The following ANO2 variants were observed in gnomAD, a reference collection of about 807,000 sequenced individuals.
ANO2 encodes anoctamin 2, also known as anoctamin-2.
Under a neutral mutation model 124.2 loss-of-function variants are expected in ANO2, and 101 were observed. That is an observed-to-expected ratio of 0.81 (90% confidence interval 0.69 to 0.96). The LOEUF (loss-of-function observed/expected upper bound fraction) is 0.96, where lower values mean the gene tolerates loss of function less well. Ranked by LOEUF, ANO2 falls within the 40% of genes least tolerant of loss-of-function variation. ANO2 has a pLI of 0.00. For missense variants in ANO2, 1,293 were observed against 1,274.5 expected, an observed-to-expected ratio of 1.01 and a Z score of -0.22; for synonymous variants, 486 against 482.5, an observed-to-expected ratio of 1.01 and a Z score of -0.09.
intron 14 of ANO2, among the ~76,000 whole-genome samples, chr12:5,720,871 G>A (rs1038967689): frequency 6.6e-6 from 1 of 152,192 alleles, no homozygotes; most frequent in African/African-American, 2.4e-5. Context: ...AGTGAGCAGA[G>A]GAGAAGGTCT....
Position 5,698,985 on chromosome 12 carries a change from C to T in ANO2, c.1545+33535G>A, listed in dbSNP as rs112538382. ...ATCTGATTGGTGTACCTGAAAGTGA[C>T]GGGGAGAATGGAACCAAGCTGGAAA... On this transcript the variant is annotated intron_variant, in intron 14 of 24. Transcript: ENST00000682330. 4.1e-3 allele frequency among the ~76,000 whole-genome samples: 619 copies of T among 152,262 alleles called. 1 individual carries two copies. The highest frequency in any genetic ancestry group is 0.01 in the Middle Eastern group (3 of 294).
At chr12:5,578,674 G>T (rs1390435292) in intron 20 of ANO2, among the ~76,000 whole-genome samples, 156 bp from the exon 21 acceptor site, 1 of 152,158 alleles carries the variant, frequency 6.6e-6, no homozygotes. Context: ...CACATACACG[G>T]TATTTCTTTC....
At chr12:5,762,293 G>C (rs376633453) in intron 10 of ANO2, among the ~76,000 whole-genome samples, 20 of 151,844 alleles carry the variant, frequency 1.3e-4, no homozygotes, top group African/African-American at 4.6e-4. Flanking sequence ...TAAAATACCT[G>C]GGTCTGTTAG....
At chr12:5,600,925 G>A (rs1943910563) in intron 19 of ANO2, among the ~76,000 whole-genome samples, 1 of 152,158 alleles carries the variant, frequency 6.6e-6, no homozygotes, top group Non-Finnish European at 1.5e-5. Flanking sequence ...TCCCATCCTT[G>A]TTTGAAAGTG....
At chr12:5,773,029 C>A (rs891529790) in intron 10 of ANO2, among the ~76,000 whole-genome samples, 2 of 152,222 alleles carry the variant, frequency 1.3e-5, no homozygotes, top group Non-Finnish European at 2.9e-5. Flanking sequence ...CAGGAGTCAG[C>A]GGATGGGAGA....
intron 10 of ANO2, among the ~76,000 whole-genome samples, chr12:5,783,676 T>A (rs1359956300): frequency 6.6e-6 from 1 of 152,194 alleles, no homozygotes; most frequent in Non-Finnish European, 1.5e-5. Context: ...AGTCATCACT[T>A]CTGTTTGGCT....
intron 4 of ANO2, among the ~76,000 whole-genome samples, chr12:5,844,843 T>G (rs373717897): frequency 2.0e-5 from 3 of 146,466 alleles, no homozygotes; most frequent in African/African-American, 8.2e-5. Context: ...TTTTGTGTGT[T>G]TGTTTGTTTG....
chr12:5,763,828 T>A (rs1394606988), intron 10 of ANO2, among the ~76,000 whole-genome samples: 2 of 151,736 alleles, frequency 1.3e-5, no homozygotes, highest in African/African-American at 4.8e-5. Flanking sequence ...ATAATAAAGA[T>A]TAGAGCATAA....
intron 7 of ANO2, among the ~76,000 whole-genome samples, chr12:5,823,921 A>G (rs1953881202): frequency 6.6e-6 from 1 of 152,152 alleles, no homozygotes; most frequent in African/African-American, 2.4e-5. Flanking sequence ...TCAACACTAC[A>G]TGGAAGCTGC....
rs993702464 is a variant in ANO2 at position 5,672,699 on chromosome 12, G to A, written c.1546-24898C>T. On this transcript the variant is annotated intron_variant, in intron 14 of 24. Transcript: ENST00000682330. ...GACAAAGCAGAAGAGATCCAATACAGTGAAAAATCTCTGCCCAGTGACCTG... is the reference window on the plus strand; with the variant it reads ...GACAAAGCAGAAGAGATCCAATACAATGAAAAATCTCTGCCCAGTGACCTG... 3.9e-5 allele frequency among the ~76,000 whole-genome samples: 6 copies of A among 152,306 alleles called. No individual in the cohort carries two copies. The South Asian group carries it at 6.2e-4, about 16-fold the overall frequency.
intron 7 of ANO2, among the ~76,000 whole-genome samples, chr12:5,826,622 ATCTTGTAG>A (rs1441127702): frequency 6.6e-6 from 1 of 152,164 alleles, no homozygotes; most frequent in African/African-American, 2.4e-5. Flanking sequence ...GTTATTTGGA[ATCTTGTAG>A]CAAGATGAAT....
chr12:5,597,463 T>G (rs543841365), intron 20 of ANO2, among the ~76,000 whole-genome samples: 27 of 152,322 alleles, frequency 1.8e-4, no homozygotes, highest in African/African-American at 6.0e-4. Flanking sequence ...TAGTCCACAG[T>G]GTACTACGTT....
chr12:5,572,560 C>T (rs1455771372), intron 23 of ANO2, among the ~76,000 whole-genome samples: 1 of 152,168 alleles, frequency 6.6e-6, no homozygotes, highest in African/African-American at 2.4e-5. Context: ...ATTTTAATTC[C>T]TTGTTTACTT....
At chr12:5,691,729 C>G (rs1055161960) in intron 14 of ANO2, among the ~76,000 whole-genome samples, 1 of 152,064 alleles carries the variant, frequency 6.6e-6, no homozygotes, top group Admixed American at 6.6e-5. Flanking sequence ...CATGGCAAAA[C>G]CCCGTCTCTA....
intron 3 of ANO2, chr12:5,856,559 C>G (rs1955103751): frequency 6.6e-6 from 1 of 152,350 alleles, no homozygotes; most frequent in African/African-American, 2.4e-5. Context: ...GTGGAAGTAT[C>G]TGGTAACCTT....
rs373084364 is a variant in ANO2, at chr12:5,874,784, C to T, written c.535-20643G>A. Among the ~76,000 whole-genome samples, 28 of 152,314 alleles carry T rather than the reference C, an allele frequency of 1.8e-4. No homozygotes were observed. The East Asian group carries it at 3.5e-3, about 19-fold the overall frequency. On this transcript the variant is annotated intron_variant, in intron 3 of 24. Coordinates refer to ENST00000682330, the MANE Select transcript of ANO2 (RefSeq NM_001364791.2). ...GAGAGCCTCCAAGGATTAGAGTCCA[C>T]GTCTTTTTTTATTTGGAACTCTTAC...
At chr12:5,641,423 G>GA (rs1172269078) in intron 15 of ANO2, among the ~76,000 whole-genome samples, 3 of 151,408 alleles carry the variant, frequency 2.0e-5, no homozygotes, top group Non-Finnish European at 4.4e-5. Context: ...TTTTTAAGTG[G>GA]GAAAAAGAAA....
chr12:5,638,436 CA>C lies in ANO2; in HGVS notation c.1621-3090del, dbSNP rs905755115. 3.7e-5 allele frequency among the ~76,000 whole-genome samples: 4 copies of C among 108,340 alleles called. No individual in the cohort carries two copies. In the East Asian group the frequency reaches 1.7e-3, roughly 47 times the overall value. 71.1% of individuals were successfully genotyped at this position (108,340 alleles called of 152,430 possible). A position where few individuals can be genotyped will look rare whatever the true frequency, so the allele number is the denominator to read the frequency against. On this transcript the variant is annotated intron_variant, in intron 15 of 24. Transcript: ENST00000682330. ...ATTTTTAGTAGAGACAGGGTTTCAT[CA>C]TGTTAGCCAGGATGGTCTCGATCTC...
At chr12:5,640,594 C>T (rs1310531032) in intron 15 of ANO2, among the ~76,000 whole-genome samples, 1 of 152,174 alleles carries the variant, frequency 6.6e-6, no homozygotes, top group South Asian at 2.1e-4. Context: ...CAAAAGAAGA[C>T]ATTTATGCAG....
Sources: gnomAD v4.1 joint callset for allele counts (sites outside exome capture counted in the v4.1 genomes callset) on GRCh38, gnomAD v4.1.1 for gene constraint, MANE v1.5 for transcripts, NCBI Gene and HGNC (gene_info 2026-07-23, HGNC 2026-07-21) for gene names.